The following ZFAT variants were observed in gnomAD, a reference collection of about 807,000 sequenced individuals.
The protein encoded by ZFAT is zinc finger and AT-hook domain containing.
Under a neutral mutation model 117.7 loss-of-function variants are expected in ZFAT, and 64 were observed. That is an observed-to-expected ratio of 0.54 (90% CI 0.44 to 0.67). The LOEUF (loss-of-function observed/expected upper bound fraction) is 0.67, where lower values mean the gene tolerates loss of function less well. Ranked by LOEUF, ZFAT falls within the 30% of genes least tolerant of loss-of-function variation. The pLI is 0.00. For synonymous variants in ZFAT, 679 were observed against 615.0 expected (o/e 1.10, Z -1.54); for missense variants, 1,433 against 1,584.5 (o/e 0.90, Z 1.62).
intron 9 of ZFAT, 30 bp from the exon 10 acceptor site, chr8:134,584,035 T>TAGAG: frequency 6.5e-7 from 1 of 1,541,164 alleles, no homozygotes; most frequent in Non-Finnish European, 8.8e-7. Context: ...TATATCTCTA[T>TAGAG]ATATTTACAT....
the ZFAT span, among the ~76,000 whole-genome samples, chr8:134,802,655 C>A: frequency 6.6e-6 from 1 of 152,304 alleles, no homozygotes; most frequent in African/African-American, 2.4e-5. Flanking sequence ...GGATAAAATA[C>A]TGTCATTTAC....
chr8:134,627,494 A>G (rs1045624149), intron 3 of ZFAT, among the ~76,000 whole-genome samples: 5 of 152,216 alleles, frequency 3.3e-5, no homozygotes, highest in Admixed American at 2.0e-4. Context: ...GAAAAGCAGG[A>G]GAGCAGGAGG....
At chr8:134,696,666 C>G (rs1338841051) in intron 1 of ZFAT, 1 of 957,416 alleles carries the variant, frequency 1.0e-6, no homozygotes. Context: ...CCTGCCGCCA[C>G]AGAGGCTCTG....
the ZFAT span, chr8:134,792,713 T>C: frequency 6.6e-6 from 1 of 152,228 alleles, no homozygotes; most frequent in Non-Finnish European, 1.5e-5. Flanking sequence ...ATGACCCCTA[T>C]TTTGTCAAGC....
chr8:134,747,293 T>C, the ZFAT span, among the ~76,000 whole-genome samples: 1 of 152,126 alleles, frequency 6.6e-6, no homozygotes, highest in Non-Finnish European at 1.5e-5. Context: ...TCTCACTGTG[T>C]TGCCCAGGCT....
chr8:134,564,159 C>A (rs1284970323), intron 11 of ZFAT, among the ~76,000 whole-genome samples: 4 of 142,672 alleles, frequency 2.8e-5, no homozygotes, highest in Non-Finnish European at 6.0e-5. Flanking sequence ...GAGTGAGACT[C>A]CTTCTCAAAA....
chr8:134,478,311 GACTGCC>G lies in ZFAT; in HGVS notation c.*165_*170del. On this transcript the variant is annotated 3_prime_UTR_variant, in exon 16 of 16. Transcript: ENST00000377838. This position sits in a 1 kb window ranked among gnomAD's most constrained non-coding sequence, Gnocchi z 5.2. ...GTCCTGTGGTATTGCTGGTGATGCT[GACTGCC>G]TTGCCCACCCCAAGTTGGACTAGGA... The G allele has an allele frequency of 2.2e-6, 2 of 895,340 alleles. No homozygotes were observed. The highest frequency in any genetic ancestry group is 1.7e-6 in the Non-Finnish European group (1 of 604,868). The allele number at this position is 895,340 out of a possible 1,614,324, so 55.5% of individuals were successfully genotyped here.
intron 15 of ZFAT, among the ~76,000 whole-genome samples, chr8:134,487,380 TG>T (rs1817730547): frequency 6.6e-6 from 1 of 152,068 alleles, no homozygotes; most frequent in Non-Finnish European, 1.5e-5. Flanking sequence ...GTAATTCTCA[TG>T]GGGCCCTGTG....
At chr8:134,816,171 T>C in the ZFAT span, among the ~76,000 whole-genome samples, 2 of 152,206 alleles carry the variant, frequency 1.3e-5, no homozygotes, top group African/African-American at 4.8e-5. Flanking sequence ...GAGGTGGATA[T>C]TACTCTACTT....
intron 10 of ZFAT, among the ~76,000 whole-genome samples, chr8:134,581,165 G>A (rs1174015715): frequency 6.6e-6 from 1 of 151,984 alleles, no homozygotes; most frequent in Admixed American, 6.6e-5. Flanking sequence ...AAAAGGAAAT[G>A]ACTCACCTAT....
rs551957625 is a variant in ZFAT at position 134,532,748 on chromosome 8, C to A, written c.3115+86G>T. The A allele has an allele frequency of 2.6e-6, 4 of 1,525,760 alleles. No homozygotes were observed. The South Asian group carries it at 5.0e-5, about 19-fold the overall frequency. The allele number at this position is 1,525,760 out of a possible 1,614,324, so 94.5% of individuals were successfully genotyped here. ...GGCACATTTATGTAGCAGAACTGAA[C>A]TGCAGGATGTCAGCAGCTCTTCCCA... On this transcript the variant is annotated intron_variant, in intron 12 of 15. Transcript: ENST00000377838.
At chr8:134,621,050 A>G (rs374846400) in intron 3 of ZFAT, among the ~76,000 whole-genome samples, 1 of 151,992 alleles carries the variant, frequency 6.6e-6, no homozygotes, top group Non-Finnish European at 1.5e-5. Flanking sequence ...GTTTAAAAAT[A>G]TCTTCACTGA....
At chr8:134,525,213 C>G (rs1490472058) in intron 12 of ZFAT, among the ~76,000 whole-genome samples, 1 of 152,182 alleles carries the variant, frequency 6.6e-6, no homozygotes, top group Non-Finnish European at 1.5e-5. Context: ...AACTCAAATC[C>G]CTGTACAGCC....
Position 134,635,892 on chromosome 8 carries a change from G to A in ZFAT, c.448+1569C>T, listed in dbSNP as rs1385142055. On this transcript the variant is annotated intron_variant, in intron 3 of 15. Transcript: ENST00000377838. ...TTCTTCTGAAATGACAGCACTCCGGGCCTACAGCTCTCACACGGCAATTAC... is the reference window on the plus strand; with the variant it reads ...TTCTTCTGAAATGACAGCACTCCGGACCTACAGCTCTCACACGGCAATTAC... Among the ~76,000 whole-genome samples, 3 of 152,212 alleles carry A rather than the reference G, an allele frequency of 2.0e-5. No homozygotes were observed. The East Asian group carries it at 5.8e-4, about 29-fold the overall frequency.
chr8:134,730,966 C>T, the ZFAT span, among the ~76,000 whole-genome samples: 3 of 152,286 alleles, frequency 2.0e-5, no homozygotes, highest in Non-Finnish European at 2.9e-5. Context: ...AAAGATGAAA[C>T]GGTTGCCCCT....
upstream of ZFAT, among the ~76,000 whole-genome samples, chr8:134,717,474 T>TTTTTTTTTTTTTG (rs1814224814): frequency 1.7e-5 from 1 of 59,868 alleles, no homozygotes; most frequent in Non-Finnish European, 3.0e-5. Flanking sequence ...CTCTTTTTTT[T>TTTTTTTTTTTTTG]TTTTTTTTTT....
rs1387666991 is a variant in ZFAT at position 134,520,878 on chromosome 8, A to G, written c.3234+5T>C. ...CAAGATTAATACCATACTTAAAAAA[A>G]TTACCTCCCACTTGGGGTCTCCATC... On this transcript the variant is annotated splice_donor_5th_base_variant and intron_variant, in intron 13 of 15. Coordinates refer to ENST00000377838, the MANE Select transcript of ZFAT (RefSeq NM_020863.4). The G allele has an allele frequency of 6.2e-7, 1 of 1,612,178 alleles. No individual in the cohort carries two copies. The highest frequency in any genetic ancestry group is 8.5e-7 in the Non-Finnish European group (1 of 1,178,666).
At chr8:134,831,557 G>C in the ZFAT span, among the ~76,000 whole-genome samples, 5 of 152,176 alleles carry the variant, frequency 3.3e-5, no homozygotes, top group South Asian at 2.1e-4. Context: ...TGTGAAATCC[G>C]CCACTTTCGC....
chr8:134,489,588 T>A (rs1436431343), intron 15 of ZFAT, among the ~76,000 whole-genome samples: 3 of 152,276 alleles, frequency 2.0e-5, no homozygotes, highest in South Asian at 4.1e-4. Flanking sequence ...CTGCCGCATC[T>A]GTCTCCGCTT....
Sources: allele counts gnomAD v4.1 joint callset (sites outside exome capture counted in the v4.1 genomes callset), GRCh38; gene constraint gnomAD v4.1.1; non-coding constraint Gnocchi (gnomAD v3.1); transcripts MANE v1.5; gene names NCBI Gene and HGNC (gene_info 2026-07-23, HGNC 2026-07-21).